CPSF1: variants seen among roughly 807,000 people sequenced by gnomAD.
CPSF1 encodes the protein cleavage and polyadenylation specificity factor subunit 1.
A neutral mutation model predicts 175.8 loss-of-function variants in CPSF1; 106 were observed. That is an observed-to-expected ratio of 0.60 (90% CI 0.52 to 0.71). The LOEUF is 0.71. Ranked by LOEUF, CPSF1 falls within the 30% of genes least tolerant of loss-of-function variation. The pLI is 0.00. For synonymous variants in CPSF1, 1,024 were observed against 858.3 expected (o/e 1.19, Z -3.37); for missense variants, 1,734 against 2,022.9 (o/e 0.86, Z 2.74).
In CPSF1 at chr8:144,396,576, C is replaced by A. The variant is rs781962801; in HGVS notation, c.2826+22G>T. 5 of 1,610,322 alleles carry A rather than the reference C, an allele frequency of 3.1e-6. No individual in the cohort carries two copies. In the East Asian group the frequency reaches 1.1e-4, roughly 36 times the overall value. ...GCCGCGTCTCCCTTCTACCACAGAC[C>A]CCTGCAAAGGCGCTGGCCTACCCCT... On this transcript the variant is annotated intron_variant, in intron 25 of 37. Coordinates refer to ENST00000616140, the MANE Select transcript of CPSF1 (RefSeq NM_013291.3).
At chr8:144,408,979 G>A (rs1821647294) in intron 2 of CPSF1, 36 bp downstream of exon 2, 1 of 1,604,272 alleles carries the variant, frequency 6.2e-7, no homozygotes, top group Middle Eastern at 1.7e-4. Flanking sequence ...CACCCACGTC[G>A]CGGACAGCCG....
Position 144,400,249 on chromosome 8 carries a change from G to A in CPSF1, c.854C>T (p.Ser285Leu). The A allele has an allele frequency of 6.3e-6, 10 of 1,595,642 alleles. No homozygotes were observed. The highest frequency in any genetic ancestry group is 4.5e-5 in the East Asian group (2 of 44,536). Residue 285 changes from serine (S) to leucine (L), a missense_variant, in exon 9 of 38, where the codon TCG (serine) becomes TTG (leucine). Ser to Leu is a moderately radical substitution (Grantham distance 145). Around this residue, in one of 10 missense-constraint regions of CPSF1, gnomAD observed 61 missense variants for 104.0 expected, o/e 0.59. Coordinates refer to ENST00000616140, the MANE Select transcript of CPSF1 (RefSeq NM_013291.3). Reference protein sequence around the residue: ...IGGVVVFAVNSLLYLNQSVPP... With the variant: ...IGGVVVFAVNLLLYLNQSVPP... ...GACGCTCTGGTTCAGGTACAACAGC[G>A]AGTTGACGGCAAACACCACCACCCC... is the stretch of plus-strand genomic sequence containing the variant.
chr8:144,393,905 C>T lies in CPSF1; in HGVS notation c.3993G>A (p.Glu1331=). ...EGLSKKSVVW[E]NKHITWFATL... is the part of the protein sequence containing the mutation. ...CACCAAACCACGTGATGTGCTTATT[C>T]TCCCACACGACCGACTTTTTGCTGA... Residue 1331 remains glutamate, a synonymous_variant, in exon 35 of 38, where the codon GAG becomes GAA. Coordinates refer to ENST00000616140, the MANE Select transcript of CPSF1 (RefSeq NM_013291.3). The T allele has an allele frequency of 2.5e-6, 4 of 1,612,670 alleles. No homozygotes were observed. In the South Asian group the frequency reaches 4.4e-5, roughly 18 times the overall value.
At chr8:144,404,476 C>T (rs1821384582) in intron 2 of CPSF1, among the ~76,000 whole-genome samples, 1 of 151,664 alleles carries the variant, frequency 6.6e-6, no homozygotes, top group African/African-American at 2.4e-5. Context: ...AGCCATTCTC[C>T]TGCCTCAGCT....
chr8:144,399,805 C>A lies in CPSF1; in HGVS notation c.1095G>T (p.Ala365=). Residue 365 remains alanine, a synonymous_variant, in exon 11 of 38, where the codon GCG becomes GCT. Transcript: ENST00000616140. The surrounding 1 kb of genome is among the most constrained non-coding windows in gnomAD (Gnocchi z 6.4). ...CGCTGGTGGTGAGGACGCTGGCGGC[C>A]GCCTTGTCAAAGTGGAACGCTCGGA... The part of the protein sequence containing the change: ...RSVRAFHFDK[A]AASVLTTSMV... 6.4e-7 allele frequency: 1 copy of A among 1,562,512 alleles called. No individual in the cohort carries two copies. The highest frequency in any genetic ancestry group is 8.7e-7 in the Non-Finnish European group (1 of 1,153,922).
At position 144,396,352 on chromosome 8, in the gene CPSF1, C is replaced by A; in HGVS notation, c.2975G>T (p.Arg992Ile). The A allele has an allele frequency of 1.3e-6, 2 of 1,585,198 alleles. No homozygotes were observed. The highest frequency in any genetic ancestry group is 2.3e-5 in the South Asian group (2 of 87,092). The change falls in exon 26 of 38, where the codon AGA becomes ATA. Residue 992 changes from arginine to isoleucine, a missense_variant. Transcript: ENST00000616140. ...TGGGAACCGGCCGGGCCCCACCTGT[C>A]TGTTGAAGTACAGGAAGCCGCGGGG... ...NCPRGFLYFN[R>I]QGELRISVLP...
In CPSF1 at chr8:144,399,785, G is replaced by C. The variant is rs1554865723; in HGVS notation, c.1115C>G (p.Thr372Ser). The C allele has an allele frequency of 6.3e-7, 1 of 1,575,692 alleles. No homozygotes were observed. The highest frequency in any genetic ancestry group is 8.6e-7 in the Non-Finnish European group (1 of 1,161,182). The change falls in exon 11 of 38, where the codon ACC (threonine) becomes AGC (serine). Residue 372 changes from threonine (T) to serine (S), a missense_variant. Physicochemically the swap from Thr to Ser is moderately conservative, Grantham distance 58. Coordinates refer to ENST00000616140, the MANE Select transcript of CPSF1 (RefSeq NM_013291.3). The surrounding 1 kb of genome is among the most constrained non-coding windows in gnomAD (Gnocchi z 6.4). ...FDKAAASVLT[T>S]SMVTMEPGYL... ...CAACCCCTAGTCCCAACTCACGCTG[G>C]TGGTGAGGACGCTGGCGGCCGCCTT...
rs1222349653 is a variant in CPSF1 at position 144,394,556 on chromosome 8, C to G, written c.3568-1G>C. 1 of 1,608,702 alleles carries G rather than the reference C, an allele frequency of 6.2e-7. No homozygotes were observed. The highest frequency in any genetic ancestry group is 8.5e-7 in the Non-Finnish European group (1 of 1,177,936). On this transcript the variant is annotated splice_acceptor_variant, in intron 31 of 37. Transcript: ENST00000616140. LOFTEE classifies it high-confidence loss of function. The stretch of plus-strand genomic sequence containing the variant: ...TGGCCCGCAGGCTCCACAGGAAAAT[C>G]TGGGGGCGAGGGCGAGGGTGAGCGG...
At position 144,400,144 on chromosome 8, in the gene CPSF1, G is replaced by GCCC. The variant is rs1194072613; in HGVS notation, c.937+19_937+21dup. 82 of 1,070,478 alleles carry GCCC rather than the reference G, an allele frequency of 7.7e-5. 3 individuals carry two copies. Among genetic ancestry groups the GCCC allele is most frequent in the South Asian group, 1.1e-4 (6 of 54,662 alleles). The allele number at this position is 1,070,478 out of a possible 1,614,324, so 66.3% of individuals were successfully genotyped here. On this transcript the variant is annotated intron_variant, in intron 9 of 37. Coordinates refer to ENST00000616140, the MANE Select transcript of CPSF1 (RefSeq NM_013291.3). ...CCCAAGCCGTCCCCGGGCCCCCCCC[G>GCCC]CCCCAGCCACCCCACACTCACGAAG... is the stretch of plus-strand genomic sequence containing the variant.
At chr8:144,400,134 G>GCCCCCCCCC (rs782373475) in intron 9 of CPSF1, 32 bp downstream of exon 9, 51 of 966,538 alleles carry the variant, frequency 5.3e-5, no homozygotes, top group South Asian at 1.6e-4. Flanking sequence ...GCCGTCCCCG[G>GCCCCCCCCC]GCCCCCCCCG....
Position 144,397,959 on chromosome 8 carries a change from G to C in CPSF1, c.2068C>G (p.His690Asp), listed in dbSNP as rs1554864683. The C allele has an allele frequency of 6.2e-7, 1 of 1,608,002 alleles. No individual in the cohort carries two copies. Residue 690 changes from histidine (H) to aspartate (D), a missense_variant, in exon 20 of 38, where the codon CAC (histidine) becomes GAC (aspartate). This residue lies in a region of CPSF1 where 280 missense variants were observed against 349.2 expected (regional missense o/e 0.80). Transcript: ENST00000616140. Reference protein sequence around the residue: ...HRLALHKPPLHHQSKVITLCL... With the variant: ...HRLALHKPPLDHQSKVITLCL... ...CCGGGAATGAGGGGGCCTACATGGT[G>C]CAGCGGGGGCTTGTGCAGCGCCAGG...
Position 144,396,375 on chromosome 8 carries a change from G to A in CPSF1, c.2952C>T (p.Pro984=). ...SFAPFHNVNC[P]RGFLYFNRQG... ...GTCTGTTGAAGTACAGGAAGCCGCGGGGACAGTTGACATTGTGGAATGGAG... is the reference window on the plus strand; with the variant it reads ...GTCTGTTGAAGTACAGGAAGCCGCGAGGACAGTTGACATTGTGGAATGGAG... The change falls in exon 26 of 38, where the codon CCC becomes CCT. Residue 984 remains proline (P), a synonymous_variant. Transcript: ENST00000616140. 2 of 1,588,438 alleles carry A rather than the reference G, an allele frequency of 1.3e-6. No homozygotes were observed. Among genetic ancestry groups the A allele is most frequent in the Admixed American group, 1.8e-5 (1 of 54,224 alleles).
At chr8:144,404,368 G>C (rs1272762736) in intron 2 of CPSF1, among the ~76,000 whole-genome samples, 4 of 151,750 alleles carry the variant, frequency 2.6e-5, no homozygotes, top group Non-Finnish European at 5.9e-5. Context: ...CCACTCAGAA[G>C]AATTTTTTTT....
At chr8:144,408,395 G>C (rs1173380674) in intron 2 of CPSF1, among the ~76,000 whole-genome samples, 1 of 152,152 alleles carries the variant, frequency 6.6e-6, no homozygotes, top group Non-Finnish European at 1.5e-5. Context: ...TCCTGGACCA[G>C]CTTTCAACCC....
intron 7 of CPSF1, 35 bp from the exon 8 acceptor site, chr8:144,400,528 C>T: frequency 6.2e-7 from 1 of 1,610,790 alleles, no homozygotes; most frequent in East Asian, 2.2e-5. Flanking sequence ...AGGGCCTTGC[C>T]TCCCCGCAGA....
chr8:144,396,149 A>G (rs1276390407), intron 26 of CPSF1, 199 bp downstream of exon 26: 1 of 612,426 alleles, frequency 1.6e-6, no homozygotes, highest in African/African-American at 1.9e-5. Context: ...CTGCAGCCCC[A>G]GCTCCCAACC....
At chr8:144,405,733 T>C (rs1041509620) in intron 2 of CPSF1, among the ~76,000 whole-genome samples, 1 of 152,168 alleles carries the variant, frequency 6.6e-6, no homozygotes, top group Non-Finnish European at 1.5e-5. Flanking sequence ...GCAGGGACGG[T>C]GCCCTCCTGG....
In CPSF1 at chr8:144,397,822, CAGT is replaced by C. The variant is rs781829866; in HGVS notation, c.2128_2130del (p.Thr710del). 1 of 1,611,288 alleles carries C rather than the reference CAGT, an allele frequency of 6.2e-7. No homozygotes were observed. Among genetic ancestry groups the C allele is most frequent in the South Asian group, 1.1e-5 (1 of 91,072 alleles). ...TCACGGGCCCCACCCAGGCGGCTCT[CAGT>C]GGTGAACATGCCGCTGAGGTCTCGG... On this transcript the variant is annotated inframe_deletion, in exon 21 of 38. Coordinates refer to ENST00000616140, the MANE Select transcript of CPSF1 (RefSeq NM_013291.3).
rs2116851223 is a variant in CPSF1, at chr8:144,398,505, T to TCCCAGGG, written c.1752+19_1752+20insCCCTGGG. ...GGGGACCCCAGCCCCAGGTCCCAGG[T>TCCCAGGG]CCCAGGCCCTGCCCCTCACCATGGT... On this transcript the variant is annotated intron_variant, in intron 18 of 37. Transcript: ENST00000616140. 8.1e-6 allele frequency: 13 copies of TCCCAGGG among 1,612,984 alleles called. No homozygotes were observed. The highest frequency in any genetic ancestry group is 1.0e-5 in the Non-Finnish European group (12 of 1,179,772).
Sources: allele counts gnomAD v4.1 joint callset (sites outside exome capture counted in the v4.1 genomes callset), GRCh38; gene constraint gnomAD v4.1.1; regional missense constraint gnomAD v4.1.1; non-coding constraint Gnocchi (gnomAD v3.1); transcripts MANE v1.5; gene names NCBI Gene and HGNC (gene_info 2026-07-23, HGNC 2026-07-21).